The following SCN3A variants were observed in gnomAD, a reference collection of about 807,000 sequenced individuals.
SCN3A encodes the protein sodium voltage-gated channel alpha subunit 3.
A neutral mutation model predicts 187.6 loss-of-function variants in SCN3A; 60 were observed. That is an observed-to-expected ratio of 0.32 (90% CI 0.26 to 0.40). The LOEUF (loss-of-function observed/expected upper bound fraction) is 0.40. SCN3A is among the 10% of genes least tolerant of loss of function. The pLI, the probability that SCN3A is intolerant of heterozygous loss-of-function variation, is 1.00. For synonymous variants in SCN3A, 788 were observed against 829.2 expected, an observed-to-expected ratio of 0.95 and a Z score of 0.85; for missense variants, 1,601 against 2,428.2, an observed-to-expected ratio of 0.66 and a Z score of 7.16.
At position 165,103,601 on chromosome 2, in the gene SCN3A, G is replaced by T. The variant is rs145292867; in HGVS notation, c.3844-3177C>A. ...GTCTGTGATAGAGGTGTCAGGGGTT[G>T]GTTCAGTTGTCATCCACACCTTTCC... On this transcript the variant is annotated intron_variant, in intron 21 of 27. Coordinates refer to ENST00000283254, the MANE Select transcript of SCN3A (RefSeq NM_006922.4). Among the ~76,000 whole-genome samples, 837 of 152,210 alleles carry T rather than the reference G, an allele frequency of 5.5e-3. 10 individuals carry two copies. The highest frequency in any genetic ancestry group is 0.019 in the African/African-American group (785 of 41,526).
Position 165,100,384 on chromosome 2 carries a change from G to T in SCN3A, c.3884C>A (p.Ser1295Ter). ...TAATGATTTGATGGCACCGAGTTCTGAGTAGCCAAGAGCATTGGCTACCAG... is the reference window on the plus strand; with the variant it reads ...TAATGATTTGATGGCACCGAGTTCTTAGTAGCCAAGAGCATTGGCTACCAG... ...VSLVANALGY[S>*]ELGAIKSLRT... is the part of the protein sequence containing the mutation. Residue 1295 changes from serine to a stop codon, truncating the protein, a stop_gained, in exon 22 of 28, where the codon TCA (serine) becomes TAA (stop). Transcript: ENST00000283254. LOFTEE classifies it high-confidence loss of function. 1.9e-6 allele frequency: 3 copies of T among 1,613,588 alleles called. No homozygotes were observed. The highest frequency in any genetic ancestry group is 2.2e-5 in the South Asian group (2 of 91,060).
intron 15 of SCN3A, 116 bp from the exon 16 acceptor site, chr2:165,131,533 T>C: frequency 1.8e-6 from 1 of 541,940 alleles, no homozygotes; most frequent in Non-Finnish European, 3.1e-6. Context: ...AGTGAGAGAA[T>C]GTGACAAATC....
chr2:165,187,093 TCTTCCCCTTTG>T (rs761829502), intron 1 of SCN3A, among the ~76,000 whole-genome samples: 8 of 152,154 alleles, frequency 5.3e-5, no homozygotes, highest in Non-Finnish European at 1.2e-4. Context: ...CCTCCTTACA[TCTTCCCCTTTG>T]CTTCTTTTCC....
intron 3 of SCN3A, among the ~76,000 whole-genome samples, chr2:165,173,781 C>CAAT (rs1690269498): frequency 1.3e-5 from 2 of 152,128 alleles, no homozygotes; most frequent in African/African-American, 4.8e-5. Context: ...CTAAGAATGA[C>CAAT]AAATTACCTC....
At chr2:165,123,865 T>G (rs1686835608) in intron 18 of SCN3A, among the ~76,000 whole-genome samples, 2 of 152,172 alleles carry the variant, frequency 1.3e-5, no homozygotes, top group South Asian at 4.1e-4. Flanking sequence ...TTAAAAACTG[T>G]CTGCATTTTA....
intron 18 of SCN3A, chr2:165,119,703 T>C (rs1167172949): frequency 6.6e-6 from 1 of 152,162 alleles, no homozygotes; most frequent in Non-Finnish European, 1.5e-5. Flanking sequence ...TAAAAGCATA[T>C]AACTGATTTA....
At chr2:165,131,753 C>T (rs1219978908) in intron 15 of SCN3A, among the ~76,000 whole-genome samples, 1 of 112,698 alleles carries the variant, frequency 8.9e-6, no homozygotes, top group African/African-American at 3.3e-5. Flanking sequence ...CCTCCCCCCT[C>T]CCCCGACCCC....
In SCN3A at chr2:165,090,879, G is replaced by A; in HGVS notation, c.5274C>T (p.Ser1758=). Reference sequence around the variant, plus strand: ...TGTACATGTTCACCACAACCAGGAAGGATATGATGATGTAACTGACAAAAA... The same window carrying A: ...TGTACATGTTCACCACAACCAGGAAAGATATGATGATGTAACTGACAAAAA... ...IFFFVSYIII[S]FLVVVNMYIA... is the part of the protein sequence containing the mutation. The change falls in exon 28 of 28, where the codon TCC becomes TCT. Residue 1758 remains serine (S), a synonymous_variant. Coordinates refer to ENST00000283254, the MANE Select transcript of SCN3A (RefSeq NM_006922.4). The surrounding 1 kb of genome is among the most constrained non-coding windows in gnomAD (Gnocchi z 4.0). 3.1e-6 allele frequency: 5 copies of A among 1,614,062 alleles called. No homozygotes were observed. Among genetic ancestry groups the A allele is most frequent in the Non-Finnish European group, 4.2e-6 (5 of 1,180,018 alleles).
intron 21 of SCN3A, among the ~76,000 whole-genome samples, chr2:165,102,493 C>G (rs576160913): frequency 5.9e-5 from 9 of 151,748 alleles, no homozygotes; most frequent in African/African-American, 1.9e-4. Flanking sequence ...CCAGCCTGGG[C>G]TATAGAGTGA....
chr2:165,103,636 T>C (rs1685713598), intron 21 of SCN3A, among the ~76,000 whole-genome samples: 2 of 152,172 alleles, frequency 1.3e-5, no homozygotes, highest in South Asian at 4.1e-4. Context: ...CACATTCTTA[T>C]GGCAGCTGAG....
At chr2:165,175,933 C>G (rs1690422493) in intron 3 of SCN3A, among the ~76,000 whole-genome samples, 198 bp downstream of exon 3, 1 of 151,980 alleles carries the variant, frequency 6.6e-6, no homozygotes, top group East Asian at 1.9e-4. Context: ...TTCATATTTC[C>G]TGACTGTAAC....
intron 17 of SCN3A, among the ~76,000 whole-genome samples, chr2:165,128,449 G>GAGAA (rs1553522433): frequency 6.6e-6 from 1 of 151,764 alleles, no homozygotes; most frequent in African/African-American, 2.4e-5. Context: ...GAGAGAGAGA[G>GAGAA]AAAGATACTT....
rs774792201 is a variant in SCN3A, at chr2:165,100,429, A to G, written c.3844-5T>C. ...TACCAGGCTAACCAAAGAAACCTAC[A>G]AAAGGAAAAAAAAATTAATTAGTTC... On this transcript the variant is annotated splice_polypyrimidine_tract_variant and splice_region_variant and intron_variant, in intron 21 of 27. Coordinates refer to ENST00000283254, the MANE Select transcript of SCN3A (RefSeq NM_006922.4). The G allele has an allele frequency of 3.1e-6, 5 of 1,613,002 alleles. No individual in the cohort carries two copies. The South Asian group carries it at 5.5e-5, about 18-fold the overall frequency.
chr2:165,135,083 G>A (rs952007662), intron 15 of SCN3A, among the ~76,000 whole-genome samples: 2 of 151,914 alleles, frequency 1.3e-5, no homozygotes, highest in African/African-American at 4.8e-5. Flanking sequence ...ATTGTTTTTG[G>A]TACATTTTAA....
chr2:165,160,608 CT>C (rs140955112), intron 9 of SCN3A, among the ~76,000 whole-genome samples: 1 of 151,540 alleles, frequency 6.6e-6, no homozygotes, highest in Non-Finnish European at 1.5e-5. Context: ...AAATTCTTTT[CT>C]TTTTTTAGAG....
chr2:165,123,138 G>C (rs1229170060), intron 18 of SCN3A, among the ~76,000 whole-genome samples: 1 of 151,954 alleles, frequency 6.6e-6, no homozygotes, highest in Admixed American at 6.6e-5. Context: ...CTACATTAGA[G>C]CTCCTCAAAA....
At chr2:165,155,237 T>C (rs1454307308) in intron 10 of SCN3A, among the ~76,000 whole-genome samples, 2 of 152,174 alleles carry the variant, frequency 1.3e-5, no homozygotes, top group Non-Finnish European at 2.9e-5. Context: ...AGTGTACATA[T>C]ATAGGTACTG....
Position 165,090,090 on chromosome 2 carries a change from A to G in SCN3A, c.*60T>C. On this transcript the variant is annotated 3_prime_UTR_variant, in exon 28 of 28. Transcript: ENST00000283254. This position sits in a 1 kb window ranked among gnomAD's most constrained non-coding sequence, Gnocchi z 4.0. ...CCTCCTCTTGAAGTCCAGTTGACAC[A>G]TATACTTTACCTTCATAGGCTGTAA... The G allele has an allele frequency of 1.3e-6, 2 of 1,545,972 alleles. No individual in the cohort carries two copies. The highest frequency in any genetic ancestry group is 1.7e-6 in the Non-Finnish European group (2 of 1,146,326).
chr2:165,166,666 A>C (rs1276293411), intron 5 of SCN3A, among the ~76,000 whole-genome samples: 1 of 152,148 alleles, frequency 6.6e-6, no homozygotes, highest in Non-Finnish European at 1.5e-5. Flanking sequence ...GAACTAAGTT[A>C]TCTTCTGTTT....
Sources: gnomAD v4.1 joint callset for allele counts (sites outside exome capture counted in the v4.1 genomes callset) on GRCh38, gnomAD v4.1.1 for gene constraint, Gnocchi (gnomAD v3.1) non-coding constraint, MANE v1.5 for transcripts, NCBI Gene and HGNC (gene_info 2026-07-23, HGNC 2026-07-21) for gene names.